PDE3B: variants seen among roughly 807,000 people sequenced by gnomAD.
PDE3B encodes the protein cGMP-inhibited 3',5'-cyclic phosphodiesterase 3B.
In PDE3B, 66 loss-of-function variants were observed where a neutral mutation model predicts 116.8. The observed-to-expected ratio is 0.56, with a 90% CI of 0.46 to 0.69. The LOEUF (loss-of-function observed/expected upper bound fraction) is 0.69, where lower values mean the gene tolerates loss of function less well. Among genes scored for constraint, PDE3B ranks in the 30% least tolerant of loss-of-function variants. The pLI, the probability that PDE3B is intolerant of heterozygous loss-of-function variation, is 0.00. For synonymous variants in PDE3B, 595 were observed against 533.6 expected, an observed-to-expected ratio of 1.12 and a Z score of -1.59; for missense variants, 1,384 against 1,368.1, an observed-to-expected ratio of 1.01 and a Z score of -0.18.
rs370391478 is a variant in PDE3B at position 14,869,422 on chromosome 11, A to G, written c.3140-39A>G. ...AATATTTGTTGAATGATTAAATCAT[A>G]TTGCTATGATTAGAATATATTTATT... On this transcript the variant is annotated intron_variant, in intron 15 of 15. Coordinates refer to ENST00000282096, the MANE Select transcript of PDE3B (RefSeq NM_000922.4). 6.5e-6 allele frequency: 10 copies of G among 1,546,138 alleles called. No individual in the cohort carries two copies. In the African/African-American group the frequency reaches 1.4e-4, roughly 21 times the overall value.
At chr11:14,714,751 G>A (rs891689269) in intron 1 of PDE3B, among the ~76,000 whole-genome samples, 4 of 152,020 alleles carry the variant, frequency 2.6e-5, no homozygotes, top group Admixed American at 6.6e-5. Flanking sequence ...TATGGCTAGT[G>A]TGGCTGAAAA....
intron 1 of PDE3B, among the ~76,000 whole-genome samples, chr11:14,714,980 G>A (rs545690569): frequency 6.6e-6 from 1 of 152,106 alleles, no homozygotes; most frequent in African/African-American, 2.4e-5. Context: ...TGATTACACA[G>A]CAAATGAATT....
chr11:14,816,958 A>C (rs889756651), intron 5 of PDE3B, among the ~76,000 whole-genome samples: 1 of 152,340 alleles, frequency 6.6e-6, no homozygotes, highest in Non-Finnish European at 1.5e-5. Flanking sequence ...AAGGATTATA[A>C]GTCATGCTGC....
chr11:14,825,980 G>T (rs1337842171), intron 7 of PDE3B, among the ~76,000 whole-genome samples: 4 of 152,082 alleles, frequency 2.6e-5, no homozygotes, highest in Non-Finnish European at 5.9e-5. Context: ...TCAAAACCAT[G>T]CAATTACATG....
the PDE3B span, among the ~76,000 whole-genome samples, chr11:14,882,156 C>A: frequency 3.3e-5 from 5 of 152,158 alleles, no homozygotes; most frequent in African/African-American, 1.2e-4. Context: ...TTGTGGAACA[C>A]CTACTATGTT....
intron 1 of PDE3B, among the ~76,000 whole-genome samples, chr11:14,731,497 A>G (rs1256362519): frequency 6.6e-6 from 1 of 151,944 alleles, no homozygotes; most frequent in African/African-American, 2.4e-5. Flanking sequence ...TGACCTCGTG[A>G]TCTGCCCACT....
the PDE3B span, chr11:14,886,546 G>C: frequency 6.5e-6 from 1 of 153,196 alleles, no homozygotes; most frequent in African/African-American, 2.4e-5. Context: ...CTCAGTTAAG[G>C]GGAAGGCAAA....
At chr11:14,714,443 G>C (rs978036353) in intron 1 of PDE3B, among the ~76,000 whole-genome samples, 4 of 151,424 alleles carry the variant, frequency 2.6e-5, no homozygotes, top group African/African-American at 9.7e-5. Flanking sequence ...AGGGTATTGA[G>C]GCAGGAGGAT....
intron 1 of PDE3B, among the ~76,000 whole-genome samples, chr11:14,696,949 T>C (rs1006924431): frequency 5.3e-5 from 8 of 152,130 alleles, no homozygotes; most frequent in Admixed American, 5.2e-4. Flanking sequence ...TCTTTCACTT[T>C]TTTTTTAGGC....
At chr11:14,707,708 C>T (rs934635445) in intron 1 of PDE3B, among the ~76,000 whole-genome samples, 1 of 151,896 alleles carries the variant, frequency 6.6e-6, no homozygotes, top group Non-Finnish European at 1.5e-5. Context: ...TCTTTCCCTC[C>T]CATTAATTCT....
chr11:14,850,537 A>T (rs370452963), intron 12 of PDE3B, among the ~76,000 whole-genome samples: 1 of 152,112 alleles, frequency 6.6e-6, no homozygotes, highest in Admixed American at 6.5e-5. Context: ...ATTTAGGCCC[A>T]TTGTATGGCT....
chr11:14,741,433 T>C (rs1856769770), intron 1 of PDE3B, among the ~76,000 whole-genome samples: 1 of 152,158 alleles, frequency 6.6e-6, no homozygotes, highest in Non-Finnish European at 1.5e-5. Context: ...TTTTTTTGCT[T>C]TCCATTTGCT....
intron 5 of PDE3B, among the ~76,000 whole-genome samples, chr11:14,806,470 T>A (rs1858928449): frequency 6.7e-6 from 1 of 149,554 alleles, no homozygotes; most frequent in Admixed American, 6.7e-5. Flanking sequence ...ATCATGCTAC[T>A]ATAAAGACAC....
chr11:14,815,944 C>T (rs1859313857), intron 5 of PDE3B, among the ~76,000 whole-genome samples: 1 of 148,470 alleles, frequency 6.7e-6, no homozygotes, highest in East Asian at 2.1e-4. Context: ...TTTATACACA[C>T]ACACACACAC....
chr11:14,802,158 G>A (rs1007913427), intron 4 of PDE3B, among the ~76,000 whole-genome samples: 7 of 152,220 alleles, frequency 4.6e-5, no homozygotes, highest in African/African-American at 1.7e-4. Flanking sequence ...TCTTGCTGGC[G>A]TTCCAGGTGC....
chr11:14,823,474 G>A (rs1859584265), intron 7 of PDE3B, among the ~76,000 whole-genome samples: 1 of 152,160 alleles, frequency 6.6e-6, no homozygotes, highest in East Asian at 1.9e-4. Flanking sequence ...AAAGTGACTG[G>A]GGGCTGCAGC....
chr11:14,816,042 A>C (rs1293901837), intron 5 of PDE3B, among the ~76,000 whole-genome samples: 1 of 152,138 alleles, frequency 6.6e-6, no homozygotes, highest in African/African-American at 2.4e-5. Flanking sequence ...AAGGCAAGCA[A>C]GTAGGAAGTT....
rs530560529 is a variant in PDE3B, at chr11:14,693,850, G to A, written c.978+48797G>A. On this transcript the variant is annotated intron_variant, in intron 1 of 15. Coordinates refer to ENST00000282096, the MANE Select transcript of PDE3B (RefSeq NM_000922.4). ...ATTATTTCAGAATTACATCTTATAA[G>A]GCTATAGCTGCCATAGATTGATGGA... Among the ~76,000 whole-genome samples the A allele has an allele frequency of 2.6e-5, 4 of 152,226 alleles. No individual in the cohort carries two copies. In the South Asian group the frequency reaches 8.3e-4, roughly 32 times the overall value.
At chr11:14,728,334 C>G (rs931067856) in intron 1 of PDE3B, among the ~76,000 whole-genome samples, 1 of 152,044 alleles carries the variant, frequency 6.6e-6, no homozygotes, top group African/African-American at 2.4e-5. Flanking sequence ...GAAAATGTTT[C>G]TACTGCTACA....
Sources: gnomAD v4.1 joint callset for allele counts (sites outside exome capture counted in the v4.1 genomes callset) on GRCh38, gnomAD v4.1.1 for gene constraint, MANE v1.5 for transcripts, NCBI Gene and HGNC (gene_info 2026-07-23, HGNC 2026-07-21) for gene names.